WDPCP: variants seen among roughly 807,000 people sequenced by gnomAD.
WDPCP encodes WD repeat containing planar cell polarity effector.
Under a neutral mutation model 93.1 loss-of-function variants are expected in WDPCP, and 71 were observed. The ratio of observed to expected loss-of-function variants is 0.76; its 90% confidence interval spans 0.63 to 0.93. WDPCP has a LOEUF of 0.93. Ranked by LOEUF, WDPCP falls within the 40% of genes least tolerant of loss-of-function variation. WDPCP has a pLI of 0.00. For missense variants in WDPCP, 844 were observed against 887.4 expected, an observed-to-expected ratio of 0.95 and a Z score of 0.62; for synonymous variants, 315 against 315.0, an observed-to-expected ratio of 1.00 and a Z score of 0.00.
At chr2:63,454,071 G>C (rs897780030) in intron 6 of WDPCP, among the ~76,000 whole-genome samples, 1 of 151,120 alleles carries the variant, frequency 6.6e-6, no homozygotes, top group African/African-American at 2.4e-5. Context: ...AAACCTGCAC[G>C]TTGTGCACAT....
intron 1 of WDPCP, among the ~76,000 whole-genome samples, chr2:63,572,099 G>T (rs1413767341): frequency 1.3e-5 from 2 of 152,174 alleles, no homozygotes; most frequent in East Asian, 3.9e-4. Flanking sequence ...AACCAAAGGA[G>T]GCAAGGAATG....
chr2:63,826,347 C>T (rs1671114321), intron 1 of WDPCP, among the ~76,000 whole-genome samples: 1 of 151,340 alleles, frequency 6.6e-6, no homozygotes. Context: ...TAATATTTGG[C>T]AATATATATT....
At chr2:63,387,797 T>C (rs1410417909) in intron 10 of WDPCP, among the ~76,000 whole-genome samples, 1 of 151,972 alleles carries the variant, frequency 6.6e-6, no homozygotes, top group Non-Finnish European at 1.5e-5. Context: ...AAAACTAAAG[T>C]ATACAAATCA....
chr2:63,362,387 G>C (rs1690553087), intron 12 of WDPCP, among the ~76,000 whole-genome samples: 1 of 148,532 alleles, frequency 6.7e-6, no homozygotes, highest in African/African-American at 2.5e-5. Flanking sequence ...ACAATATTCT[G>C]CTCAGAGTGA....
intron 1 of WDPCP, among the ~76,000 whole-genome samples, chr2:63,563,312 T>C (rs1344594655): frequency 6.6e-6 from 1 of 151,894 alleles, no homozygotes; most frequent in Non-Finnish European, 1.5e-5. Flanking sequence ...ATGGAACGTA[T>C]AACAAGTCCT....
At chr2:63,385,367 G>T (rs1259702814) in intron 10 of WDPCP, among the ~76,000 whole-genome samples, 2 of 152,030 alleles carry the variant, frequency 1.3e-5, no homozygotes, top group African/African-American at 4.8e-5. Flanking sequence ...AGTTGTCATG[G>T]TCATCTATGT....
At chr2:63,488,931 C>T (rs1246684627) in intron 2 of WDPCP, among the ~76,000 whole-genome samples, 1 of 151,870 alleles carries the variant, frequency 6.6e-6, no homozygotes, top group Non-Finnish European at 1.5e-5. Flanking sequence ...GTTAAGAAAA[C>T]CTGCCCTACA....
chr2:63,210,915 C>A (rs1489630606), intron 14 of WDPCP, among the ~76,000 whole-genome samples: 1 of 152,178 alleles, frequency 6.6e-6, no homozygotes, highest in Non-Finnish European at 1.5e-5. Flanking sequence ...GGGAGGGACA[C>A]CCGCCATTGC....
chr2:63,321,593 T>C (rs1244748401), intron 12 of WDPCP, among the ~76,000 whole-genome samples: 1 of 152,172 alleles, frequency 6.6e-6, no homozygotes, highest in African/African-American at 2.4e-5. Flanking sequence ...AAGATTCCTA[T>C]CATTTTATTT....
intron 1 of WDPCP, among the ~76,000 whole-genome samples, chr2:63,559,804 A>G (rs1706450599): frequency 1.3e-5 from 2 of 152,330 alleles, no homozygotes; most frequent in South Asian, 2.1e-4. Flanking sequence ...AAATGGAAAA[A>G]CATTCCATGC....
chr2:63,578,679 T>G (rs576866829), intron 1 of WDPCP, among the ~76,000 whole-genome samples: 17 of 152,318 alleles, frequency 1.1e-4, no homozygotes, highest in Non-Finnish European at 1.8e-4. Context: ...TAAGGAACTA[T>G]GGACACCCAG....
chr2:63,282,247 C>T (rs909287624), intron 13 of WDPCP, among the ~76,000 whole-genome samples: 1 of 152,202 alleles, frequency 6.6e-6, no homozygotes, highest in African/African-American at 2.4e-5. Flanking sequence ...TGGCTCACGC[C>T]TGTAATCCCA....
chr2:63,227,523 T>C (rs554325868), intron 14 of WDPCP, among the ~76,000 whole-genome samples: 1 of 152,116 alleles, frequency 6.6e-6, no homozygotes, highest in South Asian at 2.1e-4. Context: ...ACCACACAAC[T>C]AATCTGTAAC....
intron 2 of WDPCP, among the ~76,000 whole-genome samples, chr2:63,703,496 G>GT (rs1669095966): frequency 6.6e-6 from 1 of 152,138 alleles, no homozygotes; most frequent in African/African-American, 2.4e-5. Flanking sequence ...TTTTTCATGT[G>GT]TTTTTTGGCT....
chr2:63,330,001 A>G (rs1575156940), intron 12 of WDPCP, among the ~76,000 whole-genome samples: 1 of 152,260 alleles, frequency 6.6e-6, no homozygotes, highest in East Asian at 1.9e-4. Context: ...TTGAGGGAAA[A>G]TTAGGTTGTT....
chr2:63,798,280 A>G (rs931422131), intron 2 of WDPCP, among the ~76,000 whole-genome samples: 1 of 152,224 alleles, frequency 6.6e-6, no homozygotes, highest in African/African-American at 2.4e-5. Flanking sequence ...GCAGACTATT[A>G]TAACACTGTA....
intron 13 of WDPCP, among the ~76,000 whole-genome samples, chr2:63,286,032 G>C (rs902914002): frequency 6.6e-6 from 1 of 151,498 alleles, no homozygotes; most frequent in East Asian, 1.9e-4. Context: ...TTTTTAGATA[G>C]GGTCTTTCTC....
chr2:63,265,747 A>G (rs952011081), intron 13 of WDPCP, among the ~76,000 whole-genome samples: 3 of 152,234 alleles, frequency 2.0e-5, no homozygotes, highest in African/African-American at 7.2e-5. Flanking sequence ...ATGAACACAG[A>G]TGCAAAAATC....
chr2:63,428,026 A>C (rs1023754508), intron 9 of WDPCP, among the ~76,000 whole-genome samples: 1 of 152,108 alleles, frequency 6.6e-6, no homozygotes. Context: ...ATTGAACCAG[A>C]AAGAAAGTGA....
Sources: gnomAD v4.1 joint callset for allele counts (sites outside exome capture counted in the v4.1 genomes callset) on GRCh38, gnomAD v4.1.1 for gene constraint, MANE v1.5 for transcripts, NCBI Gene and HGNC (gene_info 2026-07-23, HGNC 2026-07-21) for gene names.